Variants in ACYP2 observed in about 807,000 individuals in gnomAD.
ACYP2 encodes acylphosphatase 2, also known as acylphosphatase-2.
ACYP2 carries 12 observed loss-of-function variants against 11.2 expected under a neutral mutation model. The observed-to-expected ratio is 1.08, with a 90% CI of 0.69 to 1.74. The LOEUF is 1.74. Among genes scored for constraint, ACYP2 ranks in the 40% most tolerant of loss-of-function variants. The probability of loss-of-function intolerance (pLI) is 0.00; values close to 1 mark genes in which losing one functional copy is unlikely to be tolerated. For missense variants in ACYP2, 134 were observed against 101.9 expected (o/e 1.31, Z -1.35); for synonymous variants, 43 against 32.2 (o/e 1.33, Z -1.13).
At chr2:54,255,097 G>A in intron 6 of ACYP2, 12 of 1,614,170 alleles carry the variant, frequency 7.4e-6, no homozygotes, top group Non-Finnish European at 1.0e-5. Context: ...TGAAAACCAG[G>A]TGAAGAAGCT....
chr2:54,105,454 C>T (rs1384316656), intron 4 of ACYP2, among the ~76,000 whole-genome samples: 2 of 152,032 alleles, frequency 1.3e-5, no homozygotes, highest in Non-Finnish European at 2.9e-5. Flanking sequence ...CCTAATCTAC[C>T]CCCATCTCTA....
rs542887244 is a variant in ACYP2 at position 54,195,647 on chromosome 2, A to C, written c.404+56899A>C. 3.0e-3 allele frequency among the ~76,000 whole-genome samples: 415 copies of C among 138,380 alleles called. 5 individuals carry two copies. The highest frequency in any genetic ancestry group is 5.2e-3 in the Non-Finnish European group (326 of 62,768). The allele number at this position is 138,380 out of a possible 152,430, so 90.8% of individuals were successfully genotyped here. Reference sequence around the variant, plus strand: ...GAAGACTGGCCAAAGGCAAAAAAAAAAAAACAAAACACTGTACTAACTGGG... The same window carrying C: ...GAAGACTGGCCAAAGGCAAAAAAAACAAAACAAAACACTGTACTAACTGGG... On this transcript the variant is annotated intron_variant, in intron 6 of 6. Transcript: ENST00000607452.
intron 6 of ACYP2, chr2:54,254,798 C>T (rs1361999127): frequency 2.1e-6 from 2 of 964,742 alleles, no homozygotes; most frequent in African/African-American, 3.3e-5. Flanking sequence ...AAAGTTTAAA[C>T]AGAGGGTACA....
chr2:54,304,816 T>C lies in ACYP2; in HGVS notation c.*14T>C, dbSNP rs1237934734. ...ATTAGATACTAATAGAAGAGAAAAA[T>C]TGTAACACACTGAACAATAGATACT... On this transcript the variant is annotated 3_prime_UTR_variant, in exon 7 of 7. Transcript: ENST00000607452. 7.0e-7 allele frequency: 1 copy of C among 1,425,914 alleles called. No individual in the cohort carries two copies. The highest frequency in any genetic ancestry group is 2.3e-5 in the East Asian group (1 of 43,536). The allele number at this position is 1,425,914 out of a possible 1,614,324, so 88.3% of individuals were successfully genotyped here. A position where few individuals can be genotyped will look rare whatever the true frequency, so the allele number is the denominator to read the frequency against.
At chr2:54,230,425 C>T (rs926887769) in intron 6 of ACYP2, among the ~76,000 whole-genome samples, 10 of 152,084 alleles carry the variant, frequency 6.6e-5, no homozygotes, top group Non-Finnish European at 1.5e-4. Flanking sequence ...GGCGTGATCT[C>T]GACTCACCAC....
chr2:54,148,945 C>A (rs910643968), intron 6 of ACYP2, among the ~76,000 whole-genome samples: 1 of 152,128 alleles, frequency 6.6e-6, no homozygotes. Flanking sequence ...ACCGCAATTA[C>A]TTTTGCACCA....
intron 6 of ACYP2, among the ~76,000 whole-genome samples, chr2:54,173,701 G>A (rs1683318806): frequency 6.6e-6 from 1 of 152,116 alleles, no homozygotes. Context: ...AGTCCATCTT[G>A]AATTAATTTT....
intron 6 of ACYP2, among the ~76,000 whole-genome samples, chr2:54,287,864 A>G (rs1403673517): frequency 6.6e-6 from 1 of 152,000 alleles, no homozygotes; most frequent in Non-Finnish European, 1.5e-5. Context: ...CTGGCTAAAC[A>G]GTGTTTGTTA....
intron 6 of ACYP2, among the ~76,000 whole-genome samples, chr2:54,172,888 A>G (rs1191078719): frequency 6.6e-6 from 1 of 152,140 alleles, no homozygotes; most frequent in East Asian, 1.9e-4. Flanking sequence ...ATCCTTTCTT[A>G]TGGCTGCATA....
At chr2:54,274,582 A>G (rs1190320300) in intron 6 of ACYP2, among the ~76,000 whole-genome samples, 2 of 137,906 alleles carry the variant, frequency 1.5e-5, no homozygotes, top group African/African-American at 5.5e-5. Context: ...AGCCATGGTC[A>G]CACCACTGCC....
At chr2:54,217,779 A>C (rs1046229617) in intron 6 of ACYP2, among the ~76,000 whole-genome samples, 1 of 152,208 alleles carries the variant, frequency 6.6e-6, no homozygotes, top group African/African-American at 2.4e-5. Context: ...TTACGTAGAT[A>C]ATTGTCAAAC....
At chr2:54,184,805 CAATATCAATTCATTTCAAATT>C (rs2103875551) in intron 6 of ACYP2, among the ~76,000 whole-genome samples, 1 of 150,544 alleles carries the variant, frequency 6.6e-6, no homozygotes, top group African/African-American at 2.4e-5. Context: ...CATGTTATAA[CAATATCAATTCATTTCAAATT>C]AACTAATGCA....
intron 2 of ACYP2, among the ~76,000 whole-genome samples, chr2:53,994,931 C>T (rs1573472249): frequency 6.6e-6 from 1 of 152,028 alleles, no homozygotes; most frequent in Admixed American, 6.6e-5. Flanking sequence ...GTAGCGTTTC[C>T]GTTATATTCT....
At chr2:53,998,823 A>T (rs1354363723) in intron 2 of ACYP2, among the ~76,000 whole-genome samples, 1 of 152,054 alleles carries the variant, frequency 6.6e-6, no homozygotes. Context: ...AGAAAAGAAA[A>T]AAATTTCCCT....
chr2:54,095,135 T>C (rs1017573878), intron 4 of ACYP2, among the ~76,000 whole-genome samples: 40 of 152,008 alleles, frequency 2.6e-4, no homozygotes, highest in African/African-American at 7.5e-4. Context: ...AAGCACATCT[T>C]GCACCGCCCT....
intron 2 of ACYP2, among the ~76,000 whole-genome samples, chr2:53,993,025 G>C (rs954920942): frequency 6.6e-6 from 1 of 152,046 alleles, no homozygotes; most frequent in Non-Finnish European, 1.5e-5. Context: ...GACCAACATG[G>C]TGAAACCCTG....
intron 6 of ACYP2, chr2:54,254,993 C>T (rs1687423575): frequency 1.9e-6 from 3 of 1,613,958 alleles, no homozygotes; most frequent in Non-Finnish European, 2.5e-6. Context: ...GCTCTATGGG[C>T]GTCTTCACCC....
At chr2:53,997,840 G>GA (rs1454436862) in intron 2 of ACYP2, among the ~76,000 whole-genome samples, 1 of 152,018 alleles carries the variant, frequency 6.6e-6, no homozygotes, top group African/African-American at 2.4e-5. Context: ...ATTGGGAAAT[G>GA]AAAAAACACT....
chr2:54,121,722 T>C (rs1052794374), intron 4 of ACYP2, among the ~76,000 whole-genome samples: 2 of 152,252 alleles, frequency 1.3e-5, no homozygotes, highest in African/African-American at 4.8e-5. Context: ...TATAGTATTT[T>C]ATTTATAGTA....
Sources: allele counts gnomAD v4.1 joint callset (sites outside exome capture counted in the v4.1 genomes callset), GRCh38; gene constraint gnomAD v4.1.1; transcripts MANE v1.5; gene names NCBI Gene and HGNC (gene_info 2026-07-23, HGNC 2026-07-21).